SULF2: variants seen among roughly 807,000 people sequenced by gnomAD.
The protein encoded by SULF2 is extracellular sulfatase Sulf-2.
In SULF2, 52 loss-of-function variants were observed where a neutral mutation model predicts 107.7. The ratio of observed to expected loss-of-function variants is 0.48; its 90% confidence interval spans 0.39 to 0.61. SULF2 has a LOEUF of 0.61. SULF2 is among the 20% of genes least tolerant of loss of function. SULF2 has a pLI of 0.00. For synonymous variants in SULF2, 460 were observed against 464.3 expected (o/e 0.99, Z 0.12); for missense variants, 993 against 1,177.3 (o/e 0.84, Z 2.29).
Position 47,678,693 on chromosome 20 carries a change from C to T in SULF2, c.1176G>A (p.Thr392=), listed in dbSNP as rs749100506. 51 of 1,613,798 alleles carry T rather than the reference C, an allele frequency of 3.2e-5. No individual in the cohort carries two copies. Among genetic ancestry groups the T allele is most frequent in the Non-Finnish European group, 3.8e-5 (45 of 1,180,008 alleles). ...GTCCTCACCGATTCACCGGCCGCTC[C>T]GTGTCCAGCAGCTTGAGGATGGATT... is the stretch of plus-strand genomic sequence containing the variant. ...DGKSILKLLD[T]ERPVNRFHLK... The change falls in exon 8 of 21, where the codon ACG becomes ACA. Residue 392 remains threonine, a synonymous_variant. Coordinates refer to ENST00000688720, the MANE Select transcript of SULF2 (RefSeq NM_001387048.1). The surrounding 1 kb of genome is among the most constrained non-coding windows in gnomAD (Gnocchi z 4.5).
Position 47,743,014 on chromosome 20 carries a change from C to A in SULF2, c.176-6072G>T, listed in dbSNP as rs1279965287. ...GTTGGAGGCCTGCTTCAGCTGGGAG[C>A]AGGGGAACCCTGTACCCCTCCCAGA... is the stretch of plus-strand genomic sequence containing the variant. On this transcript the variant is annotated intron_variant, in intron 2 of 20. Transcript: ENST00000688720. 1.7e-4 allele frequency among the ~76,000 whole-genome samples: 22 copies of A among 133,078 alleles called. No individual in the cohort carries two copies. The South Asian group carries it at 5.3e-3, about 32-fold the overall frequency. 87.3% of individuals were successfully genotyped at this position (133,078 alleles called of 152,430 possible).
At position 47,665,950 on chromosome 20, in the gene SULF2, G is replaced by C; in HGVS notation, c.1809C>G (p.Cys603Trp). The C allele has an allele frequency of 1.9e-6, 3 of 1,613,792 alleles. No homozygotes were observed. The highest frequency in any genetic ancestry group is 2.5e-6 in the Non-Finnish European group (3 of 1,179,682). ...AANPIKVTHR[C>W]YILENDTVQC... Reference sequence around the variant, plus strand: ...GGACTGTGTCGTTCTCTAGGATGTAGCACCTGCTTGAGAGAAGGGATCACG... The same window carrying C: ...GGACTGTGTCGTTCTCTAGGATGTACCACCTGCTTGAGAGAAGGGATCACG... Residue 603 changes from cysteine to tryptophan, a missense_variant, in exon 13 of 21, where the codon TGC (cysteine) becomes TGG (tryptophan). Cys to Trp is a radical substitution (Grantham distance 215). Coordinates refer to ENST00000688720, the MANE Select transcript of SULF2 (RefSeq NM_001387048.1).
At chr20:47,766,105 G>A (rs1385846613) in intron 1 of SULF2, among the ~76,000 whole-genome samples, 3 of 152,042 alleles carry the variant, frequency 2.0e-5, no homozygotes, top group Non-Finnish European at 2.9e-5. Flanking sequence ...GGCCCCTGGA[G>A]GGATGGGAAA....
chr20:47,695,119 C>G (rs756499727), intron 4 of SULF2, among the ~76,000 whole-genome samples: 10 of 152,222 alleles, frequency 6.6e-5, no homozygotes, highest in Admixed American at 1.3e-4. Context: ...ACTCTGCAGG[C>G]CCCCTGTCTC....
intron 6 of SULF2, chr20:47,684,214 G>A (rs1206445645): frequency 8.2e-6 from 4 of 485,200 alleles, no homozygotes; most frequent in East Asian, 7.0e-5. Flanking sequence ...TATGGTTACC[G>A]TATTGGGCAA....
At chr20:47,743,051 G>A (rs754521227) in intron 2 of SULF2, among the ~76,000 whole-genome samples, 5 of 147,272 alleles carry the variant, frequency 3.4e-5, no homozygotes, top group African/African-American at 7.5e-5. Flanking sequence ...AAATCCCTGC[G>A]GCCCTCAACT....
In SULF2 at chr20:47,687,757, G is replaced by A. The variant is rs190845778; in HGVS notation, c.737+2369C>T. Among the ~76,000 whole-genome samples the A allele has an allele frequency of 1.2e-3, 188 of 151,980 alleles. 1 individual carries two copies. The highest frequency in any genetic ancestry group is 4.4e-3 in the African/African-American group (181 of 41,432). On this transcript the variant is annotated intron_variant, in intron 5 of 20. Transcript: ENST00000688720. ...GGGTCTCACTCTGTCACTCAGGCTG[G>A]AGTGTAGTGGCGCAATCATAGCTCA...
rs980652174 is a variant in SULF2 at position 47,676,626 on chromosome 20, A to G, written c.1251-3T>C. 6.4e-7 allele frequency: 1 copy of G among 1,550,572 alleles called. No homozygotes were observed. The highest frequency in any genetic ancestry group is 8.7e-7 in the Non-Finnish European group (1 of 1,147,526). ...TGTCTCTCTTGTGTAGCAGCTTGCT[A>G]TGGGGCAGAGAGCAGGAGCCGCGGG... On this transcript the variant is annotated splice_polypyrimidine_tract_variant and splice_region_variant and intron_variant, in intron 9 of 20. Coordinates refer to ENST00000688720, the MANE Select transcript of SULF2 (RefSeq NM_001387048.1).
chr20:47,754,841 T>C (rs2090244032), intron 2 of SULF2, among the ~76,000 whole-genome samples: 1 of 152,174 alleles, frequency 6.6e-6, no homozygotes, highest in Non-Finnish European at 1.5e-5. Context: ...ATCTTGTTTT[T>C]CTCTTTTTTT....
intron 2 of SULF2, among the ~76,000 whole-genome samples, chr20:47,756,436 T>C (rs796764407): frequency 2.0e-4 from 31 of 152,356 alleles, no homozygotes; most frequent in African/African-American, 7.2e-4. Context: ...CTTGGTTTTA[T>C]GTAAATTGCC....
At chr20:47,718,141 G>T (rs2089180989) in intron 3 of SULF2, among the ~76,000 whole-genome samples, 1 of 152,134 alleles carries the variant, frequency 6.6e-6, no homozygotes, top group Admixed American at 6.5e-5. Flanking sequence ...TATCCTCCGA[G>T]GCAGGCAGGT....
intron 3 of SULF2, among the ~76,000 whole-genome samples, chr20:47,727,651 G>A (rs1443345708): frequency 1.3e-5 from 2 of 152,078 alleles, no homozygotes; most frequent in Admixed American, 6.6e-5. Context: ...CTCTTACGGC[G>A]CAGGGAACCT....
chr20:47,703,586 G>A (rs556520085), intron 3 of SULF2, among the ~76,000 whole-genome samples: 6 of 152,312 alleles, frequency 3.9e-5, no homozygotes, highest in African/African-American at 7.2e-5. Flanking sequence ...GTCCAACCAC[G>A]GTGGGGAACT....
intron 4 of SULF2, among the ~76,000 whole-genome samples, chr20:47,696,694 G>A (rs1450238295): frequency 6.6e-6 from 1 of 152,148 alleles, no homozygotes; most frequent in Admixed American, 6.5e-5. Flanking sequence ...AGTAAGGAGT[G>A]TGGTGGGGGT....
At chr20:47,732,086 G>A (rs1029334979) in intron 3 of SULF2, among the ~76,000 whole-genome samples, 24 of 152,042 alleles carry the variant, frequency 1.6e-4, no homozygotes, top group Admixed American at 6.5e-5. Flanking sequence ...AATTGAGAAG[G>A]GATCTCACTA....
chr20:47,711,239 T>C (rs1255857855), intron 3 of SULF2, among the ~76,000 whole-genome samples: 1 of 152,240 alleles, frequency 6.6e-6, no homozygotes, highest in East Asian at 1.9e-4. Context: ...ACACAGGTGG[T>C]AATGTGGCAG....
intron 10 of SULF2, 64 bp from the exon 11 acceptor site, chr20:47,672,457 G>T: frequency 1.3e-6 from 2 of 1,495,296 alleles, no homozygotes; most frequent in South Asian, 1.3e-5. Context: ...CCTCTCCCCT[G>T]CCACCCCCAT....
chr20:47,671,812 T>G lies in SULF2; in HGVS notation c.1576+386A>C, dbSNP rs550582154. On this transcript the variant is annotated intron_variant, in intron 11 of 20. Coordinates refer to ENST00000688720, the MANE Select transcript of SULF2 (RefSeq NM_001387048.1). ...TCACTGCAGCCTCTGCCTCCTGGGT[T>G]CAAGCGATTCTCATGCCTCAGCCTC... 7.9e-5 allele frequency among the ~76,000 whole-genome samples: 12 copies of G among 152,270 alleles called. No individual in the cohort carries two copies. The South Asian group carries it at 2.5e-3, about 32-fold the overall frequency.
At chr20:47,761,346 CTCTT>C (rs1188460155) in intron 1 of SULF2, among the ~76,000 whole-genome samples, 1 of 152,248 alleles carries the variant, frequency 6.6e-6, no homozygotes, top group African/African-American at 2.4e-5. Context: ...GATTTCCCAA[CTCTT>C]TCCGTTCAAG....
Sources: gnomAD v4.1 joint callset for allele counts (sites outside exome capture counted in the v4.1 genomes callset) on GRCh38, gnomAD v4.1.1 for gene constraint, Gnocchi (gnomAD v3.1) non-coding constraint, MANE v1.5 for transcripts, NCBI Gene and HGNC (gene_info 2026-07-23, HGNC 2026-07-21) for gene names.